Variants in SIPA1L3 observed in about 807,000 individuals in gnomAD.
The protein encoded by SIPA1L3 is signal induced proliferation associated 1 like 3, also known as signal-induced proliferation-associated 1-like protein 3.
SIPA1L3 carries 59 observed loss-of-function variants against 150.1 expected under a neutral mutation model. That is an observed-to-expected ratio of 0.39 (90% CI 0.32 to 0.49). The LOEUF (loss-of-function observed/expected upper bound fraction) is 0.49, where lower values mean the gene tolerates loss of function less well. SIPA1L3 is among the 20% of genes least tolerant of loss of function. SIPA1L3 has a pLI of 0.86. For missense variants in SIPA1L3, 2,211 were observed against 2,489.5 expected, an observed-to-expected ratio of 0.89 and a Z score of 2.38; for synonymous variants, 1,070 against 1,077.6, an observed-to-expected ratio of 0.99 and a Z score of 0.14.
chr19:38,038,922 CGCCCAG>C (rs1568514840), intron 2 of SIPA1L3, among the ~76,000 whole-genome samples: 1 of 152,110 alleles, frequency 6.6e-6, no homozygotes, highest in Non-Finnish European at 1.5e-5. Context: ...CTCACTTTGT[CGCCCAG>C]GCTGGAGTGC....
intron 2 of SIPA1L3, among the ~76,000 whole-genome samples, chr19:38,074,801 A>G (rs532435896): frequency 2.0e-5 from 3 of 152,190 alleles, no homozygotes; most frequent in Non-Finnish European, 4.4e-5. Context: ...GTCTTGCTCT[A>G]TCACTTGGGC....
chr19:38,149,471 T>C (rs1971772809), intron 12 of SIPA1L3, among the ~76,000 whole-genome samples: 1 of 152,142 alleles, frequency 6.6e-6, no homozygotes, highest in Non-Finnish European at 1.5e-5. Context: ...AGCTGAGAGA[T>C]GAAACAAGGT....
intron 15 of SIPA1L3, among the ~76,000 whole-genome samples, chr19:38,169,217 C>T (rs1972273898): frequency 6.6e-6 from 1 of 152,084 alleles, no homozygotes; most frequent in South Asian, 2.1e-4. Context: ...GGTGAAACCC[C>T]ATCTCTACTG....
intron 16 of SIPA1L3, among the ~76,000 whole-genome samples, chr19:38,189,138 CTTTT>C (rs769692248): frequency 7.3e-6 from 1 of 137,724 alleles, no homozygotes. Flanking sequence ...CTCTTCAAGT[CTTTT>C]TTTTTTTTTT....
rs190879623 is a variant in SIPA1L3, at chr19:37,926,580, C to T, written c.-379+19222C>T. 8.5e-5 allele frequency among the ~76,000 whole-genome samples: 13 copies of T among 152,192 alleles called. No homozygotes were observed. In the South Asian group the frequency reaches 1.7e-3, roughly 19 times the overall value. On this transcript the variant is annotated intron_variant, in intron 1 of 21. Coordinates refer to ENST00000222345, the MANE Select transcript of SIPA1L3 (RefSeq NM_015073.3). ...CTTGAGGTGTCTGTGGGAATCTCTGCGGGGACCAGGTGGCTCAGGCTTGGG... is the reference window on the plus strand; with the variant it reads ...CTTGAGGTGTCTGTGGGAATCTCTGTGGGGACCAGGTGGCTCAGGCTTGGG...
intron 1 of SIPA1L3, among the ~76,000 whole-genome samples, chr19:37,949,539 C>T (rs2046742612): frequency 6.6e-6 from 1 of 152,118 alleles, no homozygotes; most frequent in Admixed American, 6.5e-5. Flanking sequence ...GTGGCGCACG[C>T]CTGTAATCCC....
intron 1 of SIPA1L3, among the ~76,000 whole-genome samples, chr19:37,919,415 G>T (rs2046439423): frequency 6.6e-6 from 1 of 152,268 alleles, no homozygotes; most frequent in Admixed American, 6.5e-5. Flanking sequence ...CACTCCTTGG[G>T]GTAGGTACTG....
chr19:38,026,391 G>C (rs73930334), intron 1 of SIPA1L3, among the ~76,000 whole-genome samples: 113 of 152,266 alleles, frequency 7.4e-4, no homozygotes, highest in African/African-American at 2.6e-3. Flanking sequence ...GTCACCCCGG[G>C]CCATCTCTGA....
chr19:38,000,637 G>A (rs957260046), intron 1 of SIPA1L3, among the ~76,000 whole-genome samples: 2 of 147,008 alleles, frequency 1.4e-5, no homozygotes, highest in Admixed American at 6.9e-5. Context: ...TTTTTCACTC[G>A]ATGTTCAAAA....
chr19:37,940,730 C>T lies in SIPA1L3; in HGVS notation c.-379+33372C>T, dbSNP rs756826149. On this transcript the variant is annotated intron_variant, in intron 1 of 21. Coordinates refer to ENST00000222345, the MANE Select transcript of SIPA1L3 (RefSeq NM_015073.3). ...TAGTAGCTGGGATTATAGGCATGTA[C>T]CACCACGCCCAGCTAATTTTTTTGT... 3.2e-4 allele frequency among the ~76,000 whole-genome samples: 49 copies of T among 152,172 alleles called. 1 individual carries two copies. Among genetic ancestry groups the T allele is most frequent in the Middle Eastern group, 3.4e-3 (1 of 294 alleles).
intron 15 of SIPA1L3, among the ~76,000 whole-genome samples, chr19:38,170,978 CA>C (rs1388193140): frequency 1.3e-5 from 2 of 151,970 alleles, no homozygotes; most frequent in Non-Finnish European, 2.9e-5. Context: ...TAGACACACA[CA>C]CTTTCTGGGC....
rs1795038525 is a variant in SIPA1L3, at chr19:38,206,343, C to T, written c.*103C>T. ...CAGCTGCCGGTGTGACCAAGATGAC[C>T]CATCCAGGGCCCTCCCCATGGACAC... On this transcript the variant is annotated 3_prime_UTR_variant, in exon 22 of 22. Transcript: ENST00000222345. The T allele has an allele frequency of 1.5e-6, 2 of 1,334,260 alleles. No individual in the cohort carries two copies. The highest frequency in any genetic ancestry group is 2.7e-5 in the Admixed American group (1 of 36,680). 82.7% of individuals were successfully genotyped at this position (1,334,260 alleles called of 1,614,324 possible). A position where few individuals can be genotyped will look rare whatever the true frequency, so the allele number is the denominator to read the frequency against.
chr19:38,055,606 A>G (rs528245919), intron 2 of SIPA1L3, among the ~76,000 whole-genome samples: 1 of 152,328 alleles, frequency 6.6e-6, no homozygotes, highest in South Asian at 2.1e-4. Context: ...TGCCACCCCA[A>G]CAAATGTGGA....
intron 8 of SIPA1L3, among the ~76,000 whole-genome samples, chr19:38,116,180 G>T (rs975441299): frequency 2.0e-5 from 3 of 152,102 alleles, no homozygotes; most frequent in Non-Finnish European, 4.4e-5. Context: ...TTTTAGGAAA[G>T]CATAGTTAAC....
At chr19:38,039,027 C>T (rs879869827) in intron 2 of SIPA1L3, among the ~76,000 whole-genome samples, 2 of 152,020 alleles carry the variant, frequency 1.3e-5, no homozygotes, top group Non-Finnish European at 2.9e-5. Flanking sequence ...GGACCACAGG[C>T]GTGCACCACC....
chr19:38,055,413 A>G (rs1215896919), intron 2 of SIPA1L3, among the ~76,000 whole-genome samples: 1 of 152,222 alleles, frequency 6.6e-6, no homozygotes, highest in African/African-American at 2.4e-5. Flanking sequence ...TTATATTCCA[A>G]GTACAAGAGA....
chr19:37,937,741 C>CCAAAAAAAA (rs2046613127), intron 1 of SIPA1L3, among the ~76,000 whole-genome samples: 1 of 18,674 alleles, frequency 5.4e-5, no homozygotes, highest in African/African-American at 2.5e-4. Context: ...AACCCTGTCT[C>CCAAAAAAAA]AAAAAAAAAA....
Position 38,152,837 on chromosome 19 carries a change from C to G in SIPA1L3, c.3534-3C>G, listed in dbSNP as rs1568578639. On this transcript the variant is annotated splice_region_variant and splice_polypyrimidine_tract_variant and intron_variant, in intron 12 of 21. Coordinates refer to ENST00000222345, the MANE Select transcript of SIPA1L3 (RefSeq NM_015073.3). ...CTGGGCACGTTCTTCTCATCCCCTG[C>G]AGGTACACGGCTGCCCCACACCCCC... is the stretch of plus-strand genomic sequence containing the variant. 1 of 1,606,904 alleles carries G rather than the reference C, an allele frequency of 6.2e-7. No homozygotes were observed.
At chr19:38,055,627 G>C (rs1258219811) in intron 2 of SIPA1L3, among the ~76,000 whole-genome samples, 1 of 152,240 alleles carries the variant, frequency 6.6e-6, no homozygotes, top group Admixed American at 6.5e-5. Context: ...CCTCTCTCAA[G>C]GAATCAGAAG....
Sources: gnomAD v4.1 joint callset for allele counts (sites outside exome capture counted in the v4.1 genomes callset) on GRCh38, gnomAD v4.1.1 for gene constraint, MANE v1.5 for transcripts, NCBI Gene and HGNC (gene_info 2026-07-23, HGNC 2026-07-21) for gene names.